SPECC1: variants seen among roughly 807,000 people sequenced by gnomAD.
SPECC1 encodes sperm antigen with calponin homology and coiled-coil domains 1.
Under a neutral mutation model 104.1 loss-of-function variants are expected in SPECC1, and 62 were observed. That is an observed-to-expected ratio of 0.60 (90% CI 0.49 to 0.74). The LOEUF (loss-of-function observed/expected upper bound fraction) is 0.74. Among genes scored for constraint, SPECC1 ranks in the 30% least tolerant of loss-of-function variants. The pLI, the probability that SPECC1 is intolerant of heterozygous loss-of-function variation, is 0.00. For missense variants in SPECC1, 1,306 were observed against 1,310.5 expected, an observed-to-expected ratio of 1.00 and a Z score of 0.05; for synonymous variants, 513 against 501.6, an observed-to-expected ratio of 1.02 and a Z score of -0.30.
intron 12 of SPECC1, among the ~76,000 whole-genome samples, chr17:20,283,621 C>T (rs915838582): frequency 2.6e-5 from 4 of 152,140 alleles, no homozygotes; most frequent in Non-Finnish European, 5.9e-5. Context: ...GAGTCTTGCT[C>T]TGTCACCCTG....
At position 20,112,954 on chromosome 17, in the gene SPECC1, G is replaced by A. The variant is rs2048568115; in HGVS notation, c.283+2392G>A. 2.3e-6 allele frequency: 3 copies of A among 1,310,782 alleles called. No homozygotes were observed. The African/African-American group carries it at 4.3e-5, about 19-fold the overall frequency. The allele number at this position is 1,310,782 out of a possible 1,614,324, so 81.2% of individuals were successfully genotyped here. On this transcript the variant is annotated intron_variant, in intron 3 of 14. Coordinates refer to ENST00000395527, the MANE Select transcript of SPECC1 (RefSeq NM_001243439.2). ...TGAAGGGAGCTAGATTTGAAGAGATGCTAACACCACTACACATGTCACAAA... is the reference window on the plus strand; with the variant it reads ...TGAAGGGAGCTAGATTTGAAGAGATACTAACACCACTACACATGTCACAAA...
At chr17:20,079,043 G>T (rs1258737451) in intron 1 of SPECC1, among the ~76,000 whole-genome samples, 4 of 152,184 alleles carry the variant, frequency 2.6e-5, no homozygotes, top group African/African-American at 9.7e-5. Flanking sequence ...GACAGATTTT[G>T]GGAAGAACAA....
At chr17:20,295,084 A>G (rs902983677) in intron 12 of SPECC1, among the ~76,000 whole-genome samples, 1 of 151,884 alleles carries the variant, frequency 6.6e-6, no homozygotes, top group African/African-American at 2.4e-5. Context: ...GGTTTGTTAC[A>G]TAAGTATACA....
At chr17:20,155,021 A>G (rs571911616) in intron 3 of SPECC1, among the ~76,000 whole-genome samples, 4 of 152,310 alleles carry the variant, frequency 2.6e-5, no homozygotes, top group Non-Finnish European at 4.4e-5. Context: ...TGGACAAATG[A>G]GTCTGGAGTT....
chr17:20,262,092 C>T (rs2040046871), intron 12 of SPECC1, among the ~76,000 whole-genome samples: 1 of 152,172 alleles, frequency 6.6e-6, no homozygotes, highest in Non-Finnish European at 1.5e-5. Context: ...GCTTTTTTTA[C>T]ACGGTATTGA....
At chr17:20,032,936 GCACA>G (rs149393057) in intron 1 of SPECC1, among the ~76,000 whole-genome samples, 10,307 of 147,700 alleles carry the variant, frequency 0.07, 957 homozygotes, top group African/African-American at 0.22. Context: ...ACACACGCGC[GCACA>G]CACACACACA....
intron 1 of SPECC1, among the ~76,000 whole-genome samples, chr17:20,020,422 G>A (rs1249399388): frequency 1.3e-5 from 2 of 149,702 alleles, no homozygotes; most frequent in African/African-American, 4.9e-5. Flanking sequence ...TGCAACCTCC[G>A]CCTCCTGGGT....
At position 20,074,305 on chromosome 17, in the gene SPECC1, T is replaced by A. The variant is rs568082624; in HGVS notation, c.-21-22326T>A. On this transcript the variant is annotated intron_variant, in intron 1 of 14. Coordinates refer to ENST00000395527, the MANE Select transcript of SPECC1 (RefSeq NM_001243439.2). ...CATTGTGTTAGGGTCTGAAATGAGA[T>A]GTTTGTGAAGCCCAGATGGCAGAGT... Among the ~76,000 whole-genome samples the A allele has an allele frequency of 1.4e-4, 21 of 152,246 alleles. 1 individual carries two copies. In the East Asian group the frequency reaches 4.1e-3, roughly 29 times the overall value.
Position 20,315,430 on chromosome 17 carries a change from T to G in SPECC1, c.*1365T>G. On this transcript the variant is annotated 3_prime_UTR_variant, in exon 15 of 15. Transcript: ENST00000395527. Reference sequence around the variant, plus strand: ...ATCTGGTGGCTCTGCCGTGTTCTTCTGGGCGGATCTGTGTGCACTACACAG... The same window carrying G: ...ATCTGGTGGCTCTGCCGTGTTCTTCGGGGCGGATCTGTGTGCACTACACAG... 4.3e-6 allele frequency: 1 copy of G among 232,902 alleles called. No homozygotes were observed. 14.4% of individuals were successfully genotyped at this position (232,902 alleles called of 1,614,324 possible).
In SPECC1 at chr17:20,315,590, A is replaced by C. The variant is rs1234102600; in HGVS notation, c.*1525A>C. On this transcript the variant is annotated 3_prime_UTR_variant, in exon 15 of 15. Coordinates refer to ENST00000395527, the MANE Select transcript of SPECC1 (RefSeq NM_001243439.2). ...CTTCCAGTGAGTCACCGAGAATGAC[A>C]GTGACTGCCATTACTATTCAAAGTA... 2 of 232,602 alleles carry C rather than the reference A, an allele frequency of 8.6e-6. No homozygotes were observed. Among genetic ancestry groups the C allele is most frequent in the Non-Finnish European group, 1.7e-5 (2 of 117,828 alleles). The allele number at this position is 232,602 out of a possible 1,614,324, so 14.4% of individuals were successfully genotyped here.
chr17:20,284,943 A>G (rs183802353), intron 12 of SPECC1, among the ~76,000 whole-genome samples: 26 of 152,266 alleles, frequency 1.7e-4, no homozygotes, highest in Admixed American at 1.4e-3. Context: ...GTTAGTGTAC[A>G]CAGAGTCAGT....
chr17:20,221,950 A>G (rs952901152), intron 4 of SPECC1, among the ~76,000 whole-genome samples: 4 of 151,586 alleles, frequency 2.6e-5, no homozygotes, highest in Admixed American at 6.6e-5. Context: ...ATAATTTCCA[A>G]AGTTCCTCTT....
intron 1 of SPECC1, among the ~76,000 whole-genome samples, chr17:20,036,617 T>G (rs1195677502): frequency 1.3e-5 from 2 of 152,220 alleles, no homozygotes; most frequent in East Asian, 1.9e-4. Flanking sequence ...TTAAGTATAG[T>G]TACCATGTTG....
chr17:20,109,245 C>T (rs7215432), intron 2 of SPECC1, among the ~76,000 whole-genome samples: 37,525 of 152,190 alleles, frequency 0.25, 5,843 homozygotes, highest in African/African-American at 0.45. Flanking sequence ...AGGGCTTTTC[C>T]CTTCAGCCTG....
intron 12 of SPECC1, among the ~76,000 whole-genome samples, chr17:20,287,363 G>A (rs1389639122): frequency 1.4e-5 from 2 of 146,776 alleles, no homozygotes; most frequent in African/African-American, 5.1e-5. Context: ...CTTGCAGTGA[G>A]CCGAGATTGC....
At chr17:20,185,674 C>T (rs535438112) in intron 3 of SPECC1, among the ~76,000 whole-genome samples, 2 of 152,274 alleles carry the variant, frequency 1.3e-5, no homozygotes, top group East Asian at 3.9e-4. Context: ...TAGTAAACAG[C>T]AGCGACTCTG....
intron 3 of SPECC1, among the ~76,000 whole-genome samples, chr17:20,180,069 G>C (rs1233300427): frequency 6.6e-6 from 1 of 152,308 alleles, no homozygotes; most frequent in South Asian, 2.1e-4. Context: ...GTTTAATTAA[G>C]AGTGTTAGAA....
chr17:20,257,753 A>G, intron 11 of SPECC1, 146 bp downstream of exon 11: 5 of 1,126,510 alleles, frequency 4.4e-6, no homozygotes, highest in Non-Finnish European at 6.3e-6. Flanking sequence ...GCCCTTGGTG[A>G]GTCTAAAAGG....
rs368463539 is a variant in SPECC1, at chr17:20,260,084, G to T, written c.2838-108G>T. ...TCGGCTGTTTCTTTAGAATCTTGCT[G>T]GATAAACTAGACTTTTGCTTTTCTA... On this transcript the variant is annotated intron_variant, in intron 11 of 14. Coordinates refer to ENST00000395527, the MANE Select transcript of SPECC1 (RefSeq NM_001243439.2). The T allele has an allele frequency of 9.0e-6, 7 of 775,290 alleles. No individual in the cohort carries two copies. The African/African-American group carries it at 1.2e-4, about 14-fold the overall frequency. The allele number at this position is 775,290 out of a possible 1,614,324, so 48.0% of individuals were successfully genotyped here. A position where few individuals can be genotyped will look rare whatever the true frequency, so the allele number is the denominator to read the frequency against.
Sources: allele counts gnomAD v4.1 joint callset (sites outside exome capture counted in the v4.1 genomes callset), GRCh38; gene constraint gnomAD v4.1.1; transcripts MANE v1.5; gene names NCBI Gene and HGNC (gene_info 2026-07-23, HGNC 2026-07-21).